The following TANC1 variants were observed in gnomAD, a reference collection of about 807,000 sequenced individuals.
The protein encoded by TANC1 is tetratricopeptide repeat, ankyrin repeat and coiled-coil containing 1.
In TANC1, 77 loss-of-function variants were observed where a neutral mutation model predicts 149.7. That is an observed-to-expected ratio of 0.51 (90% CI 0.43 to 0.62). TANC1 has a LOEUF of 0.62. Among genes scored for constraint, TANC1 ranks in the 20% least tolerant of loss-of-function variants. The probability of loss-of-function intolerance (pLI) is 0.00; values close to 1 mark genes in which losing one functional copy is unlikely to be tolerated. For missense variants in TANC1, 1,985 were observed against 2,321.8 expected, an observed-to-expected ratio of 0.85 and a Z score of 2.98; for synonymous variants, 854 against 925.0, an observed-to-expected ratio of 0.92 and a Z score of 1.39.
At chr2:158,976,258 G>T (rs2033655903) in intron 1 of TANC1, among the ~76,000 whole-genome samples, 1 of 152,172 alleles carries the variant, frequency 6.6e-6, no homozygotes, top group Admixed American at 6.5e-5. Flanking sequence ...TGTATGAGTT[G>T]ACACTGGTTG....
In TANC1 at chr2:159,080,722, GC is replaced by G. The variant is rs143902928; in HGVS notation, c.61+14755del. On this transcript the variant is annotated intron_variant, in intron 3 of 26. Transcript: ENST00000263635. ...CTGGAATGAAGACAGTTCCTCCTCT[GC>G]CCCTGGAGCCTGAGATTTGCTTTGG... Among the ~76,000 whole-genome samples the G allele has an allele frequency of 2.1e-3, 317 of 152,294 alleles. 2 individuals are homozygous for G. Among genetic ancestry groups the G allele is most frequent in the African/African-American group, 7.1e-3 (294 of 41,568 alleles).
intron 19 of TANC1, among the ~76,000 whole-genome samples, chr2:159,200,168 A>G (rs983418098): frequency 2.6e-5 from 4 of 152,200 alleles, no homozygotes; most frequent in African/African-American, 9.7e-5. Context: ...CACATTCCAA[A>G]TGATGTGGTG....
At chr2:159,212,173 G>C (rs1043165914) in intron 19 of TANC1, among the ~76,000 whole-genome samples, 1 of 152,256 alleles carries the variant, frequency 6.6e-6, no homozygotes, top group Non-Finnish European at 1.5e-5. Context: ...TGGATTGGCT[G>C]CTTCAGATCT....
At chr2:159,173,480 C>CTA (rs1175458434) in intron 11 of TANC1, among the ~76,000 whole-genome samples, 1 of 152,148 alleles carries the variant, frequency 6.6e-6, no homozygotes, top group Non-Finnish European at 1.5e-5. Context: ...TGCCAGGCAC[C>CTA]TATAATCCCA....
In TANC1 at chr2:159,047,286, A is replaced by T. The variant is rs1458494828; in HGVS notation, c.-15-18610A>T. Among the ~76,000 whole-genome samples the T allele has an allele frequency of 4.7e-5, 7 of 147,774 alleles. No homozygotes were observed. The Admixed American group carries it at 4.8e-4, about 10-fold the overall frequency. On this transcript the variant is annotated intron_variant, in intron 2 of 26. Transcript: ENST00000263635. ...ATTTTGGTCATTGGCACTACTTTCT[A>T]CCCTGTCACTCAAGCCAGAAATTTG...
chr2:159,082,240 C>T (rs2044348146), intron 3 of TANC1, among the ~76,000 whole-genome samples: 1 of 152,200 alleles, frequency 6.6e-6, no homozygotes, highest in Admixed American at 6.5e-5. Flanking sequence ...GAGAGGGCCA[C>T]ACCCCTGCAG....
chr2:159,207,944 A>G (rs1290476383), intron 19 of TANC1, among the ~76,000 whole-genome samples: 1 of 152,166 alleles, frequency 6.6e-6, no homozygotes, highest in Non-Finnish European at 1.5e-5. Context: ...ATCCAATAGC[A>G]TCTTCCTGTT....
At chr2:159,021,122 G>C (rs919693520) in intron 2 of TANC1, among the ~76,000 whole-genome samples, 1 of 152,162 alleles carries the variant, frequency 6.6e-6, no homozygotes, top group African/African-American at 2.4e-5. Context: ...GCCAAGAAAA[G>C]ACCGTACTTC....
intron 9 of TANC1, 21 bp from the exon 10 acceptor site, chr2:159,170,502 AT>A (rs748128556): frequency 2.9e-4 from 451 of 1,551,574 alleles, no homozygotes; most frequent in Non-Finnish European, 3.6e-4. Flanking sequence ...TTTTTCTAAA[AT>A]TTTTTTTTCT....
At chr2:159,151,097 A>G (rs1482596479) in intron 7 of TANC1, among the ~76,000 whole-genome samples, 1 of 152,214 alleles carries the variant, frequency 6.6e-6, no homozygotes, top group Non-Finnish European at 1.5e-5. Context: ...CCTAGGAGTC[A>G]GGAGACTTGG....
intron 4 of TANC1, among the ~76,000 whole-genome samples, 192 bp from the exon 5 acceptor site, chr2:159,136,002 T>TTTTGTGTGTGTG (rs1334917468): frequency 9.3e-6 from 1 of 107,776 alleles, no homozygotes; most frequent in African/African-American, 3.2e-5. Context: ...TACTGAAATT[T>TTTTGTGTGTGTG]TGTGTGTGTG....
chr2:159,036,508 C>T (rs538969732), intron 2 of TANC1, among the ~76,000 whole-genome samples: 11 of 152,212 alleles, frequency 7.2e-5, no homozygotes, highest in African/African-American at 2.4e-4. Flanking sequence ...ATCCCTCCCC[C>T]ATCCTCCCAC....
intron 2 of TANC1, among the ~76,000 whole-genome samples, chr2:159,025,189 T>TTTCCTTTC (rs1553519914): frequency 5.7e-5 from 6 of 105,222 alleles, no homozygotes; most frequent in African/African-American, 1.8e-4. Context: ...TTTTTCTTTC[T>TTTCCTTTC]TTTCTTTCTT....
At chr2:159,041,549 C>G (rs2040632117) in intron 2 of TANC1, among the ~76,000 whole-genome samples, 1 of 152,248 alleles carries the variant, frequency 6.6e-6, no homozygotes, top group Non-Finnish European at 1.5e-5. Context: ...GACTGCTGTG[C>G]TAGCAGTGAG....
intron 23 of TANC1, chr2:159,225,279 G>A (rs1575368908): frequency 3.9e-6 from 1 of 253,698 alleles, no homozygotes. Context: ...GTAGGAGAGA[G>A]AAGCCATGAC....
chr2:159,211,824 T>C (rs1368935743), intron 19 of TANC1, among the ~76,000 whole-genome samples: 1 of 152,200 alleles, frequency 6.6e-6, no homozygotes, highest in Non-Finnish European at 1.5e-5. Flanking sequence ...GTGATCTGTT[T>C]TAAGCCTGAG....
intron 2 of TANC1, among the ~76,000 whole-genome samples, chr2:159,014,499 A>G (rs1041843682): frequency 7.2e-5 from 11 of 152,064 alleles, no homozygotes; most frequent in African/African-American, 2.7e-4. Context: ...TCATTCCACC[A>G]CCAGCCCCTC....
chr2:159,059,985 A>T (rs1209693520), intron 2 of TANC1: 14 of 115,704 alleles, frequency 1.2e-4, no homozygotes, highest in East Asian at 3.7e-4. Flanking sequence ...GTTTTTTCTT[A>T]TTTGCTTTAG....
intron 7 of TANC1, among the ~76,000 whole-genome samples, chr2:159,151,901 T>C (rs79062438): frequency 0.14 from 21,708 of 152,180 alleles, 2,060 homozygotes; most frequent in East Asian, 0.46. Context: ...TTTTAGTATA[T>C]TTTAAAAGTT....
Sources: gnomAD v4.1 joint callset for allele counts (sites outside exome capture counted in the v4.1 genomes callset) on GRCh38, gnomAD v4.1.1 for gene constraint, MANE v1.5 for transcripts, NCBI Gene and HGNC (gene_info 2026-07-23, HGNC 2026-07-21) for gene names.